MRPS28: variants seen among roughly 807,000 people sequenced by gnomAD.
MRPS28 encodes mitochondrial ribosomal protein S28.
MRPS28 carries 7 observed loss-of-function variants against 10.8 expected under a neutral mutation model. That is an observed-to-expected ratio of 0.65 (90% CI 0.37 to 1.22). The LOEUF (loss-of-function observed/expected upper bound fraction) is 1.22, where lower values mean the gene tolerates loss of function less well. MRPS28 is among the 50% of genes most tolerant of loss of function. MRPS28 has a pLI of 0.02. For synonymous variants in MRPS28, 121 were observed against 93.3 expected (o/e 1.30, Z -1.71); for missense variants, 265 against 232.9 (o/e 1.14, Z -0.90).
chr8:79,919,789 AAAATT>A (rs1810023341), intron 2 of MRPS28, among the ~76,000 whole-genome samples: 1 of 152,238 alleles, frequency 6.6e-6, no homozygotes, highest in African/African-American at 2.4e-5. Context: ...TTTTCCTTCT[AAAATT>A]AAAACTTTAT....
intron 1 of MRPS28, among the ~76,000 whole-genome samples, chr8:80,019,683 A>C (rs1377552973): frequency 6.6e-6 from 1 of 152,018 alleles, no homozygotes; most frequent in African/African-American, 2.4e-5. Flanking sequence ...GGAAGGAAGA[A>C]ATAAAACTGT....
chr8:79,932,082 C>T (rs1456601272), intron 2 of MRPS28, among the ~76,000 whole-genome samples: 1 of 152,154 alleles, frequency 6.6e-6, no homozygotes, highest in African/African-American at 2.4e-5. Flanking sequence ...TTCACTGGTT[C>T]ATTCATTTAC....
chr8:79,967,277 CTTCT>C (rs1756616976), intron 2 of MRPS28, among the ~76,000 whole-genome samples: 1 of 152,170 alleles, frequency 6.6e-6, no homozygotes, highest in Admixed American at 6.6e-5. Flanking sequence ...CTGCATGCTT[CTTCT>C]TTCTTTGGAT....
chr8:79,958,049 A>G (rs1469946796), intron 2 of MRPS28: 1 of 213,046 alleles, frequency 4.7e-6, no homozygotes, highest in Non-Finnish European at 9.2e-6. Context: ...CCCAAAGTGT[A>G]TAATTCAGTG....
At chr8:79,919,327 C>T (rs1380180925) in intron 2 of MRPS28, among the ~76,000 whole-genome samples, 179 bp from the exon 3 acceptor site, 1 of 146,428 alleles carries the variant, frequency 6.8e-6, no homozygotes, top group East Asian at 2.0e-4. Context: ...CAGAAAAGCC[C>T]CCATCACCCA....
chr8:79,921,284 G>C (rs1470508038), intron 2 of MRPS28, among the ~76,000 whole-genome samples: 1 of 152,014 alleles, frequency 6.6e-6, no homozygotes, highest in Non-Finnish European at 1.5e-5. Flanking sequence ...CTCTTTTTTG[G>C]TTCCATATGA....
intron 2 of MRPS28, among the ~76,000 whole-genome samples, chr8:79,933,367 C>A (rs372515160): frequency 2.6e-5 from 4 of 152,324 alleles, no homozygotes; most frequent in East Asian, 1.9e-4. Flanking sequence ...ACCAATCCCA[C>A]TGGATTAGGG....
chr8:79,977,194 T>C (rs368097002), intron 2 of MRPS28, among the ~76,000 whole-genome samples: 123 of 152,318 alleles, frequency 8.1e-4, no homozygotes, highest in African/African-American at 2.7e-3. Context: ...GCTGAAAAGA[T>C]TGGAGGCAAA....
intron 1 of MRPS28, among the ~76,000 whole-genome samples, chr8:80,011,004 A>C (rs541478383): frequency 6.6e-6 from 1 of 152,370 alleles, no homozygotes; most frequent in Admixed American, 6.5e-5. Context: ...GCACTTTGAA[A>C]ATAGTTCTTT....
rs547907588 is a variant in MRPS28 at position 80,018,158 on chromosome 8, T to C, written c.213+11878A>G. Reference sequence around the variant, plus strand: ...CAAAAACAAAACTAGCAGGGCATGGTGGCAGGCGCCTGTAGTCCCAGCTAC... The same window carrying C: ...CAAAAACAAAACTAGCAGGGCATGGCGGCAGGCGCCTGTAGTCCCAGCTAC... On this transcript the variant is annotated intron_variant, in intron 1 of 2. Transcript: ENST00000276585. Among the ~76,000 whole-genome samples the C allele has an allele frequency of 1.9e-3, 282 of 151,846 alleles. 5 individuals carry two copies. Among genetic ancestry groups the C allele is most frequent in the African/African-American group, 6.3e-3 (261 of 41,416 alleles).
intron 2 of MRPS28, among the ~76,000 whole-genome samples, chr8:79,964,980 T>C (rs184436051): frequency 3.7e-4 from 57 of 152,272 alleles, no homozygotes; most frequent in Non-Finnish European, 4.6e-4. Context: ...AGAGGCTGTT[T>C]TTAGTGGTCT....
intron 2 of MRPS28, 52 bp downstream of exon 2, chr8:80,002,947 T>C: frequency 7.2e-7 from 1 of 1,396,382 alleles, no homozygotes; most frequent in Non-Finnish European, 9.5e-7. Context: ...ACTTTTGCGC[T>C]ATCCCAACTT....
intron 1 of MRPS28, among the ~76,000 whole-genome samples, chr8:80,029,007 CAG>C (rs1323349420): frequency 1.3e-5 from 2 of 151,922 alleles, no homozygotes; most frequent in African/African-American, 4.8e-5. Context: ...AAGTAGAAAA[CAG>C]AGGCAGAAAA....
At position 79,984,198 on chromosome 8, in the gene MRPS28, A is replaced by G. The variant is rs914155296; in HGVS notation, c.395+18801T>C. ...TAAGCTTCATAAGTGAAGGACAAAT[A>G]AAATCCTTTACAGACTAGCAAATGC... On this transcript the variant is annotated intron_variant, in intron 2 of 2. Coordinates refer to ENST00000276585, the MANE Select transcript of MRPS28 (RefSeq NM_014018.3). Among the ~76,000 whole-genome samples the G allele has an allele frequency of 2.6e-5, 4 of 152,366 alleles. No homozygotes were observed. In the South Asian group the frequency reaches 8.3e-4, roughly 32 times the overall value.
chr8:79,962,281 A>G (rs1201643158), intron 2 of MRPS28, among the ~76,000 whole-genome samples: 1 of 152,072 alleles, frequency 6.6e-6, no homozygotes, highest in African/African-American at 2.4e-5. Context: ...CAGAAGCTAC[A>G]GGAGCCCAGT....
chr8:80,003,175 A>T lies in MRPS28; in HGVS notation c.219T>A (p.Ser73=), dbSNP rs1277907940. ...LQKVEPLQKG[S]PKNVESFASM... ...ATGCAAAGGATTCCACATTTTTTGG[A>T]GAACCCTAAATATGAAAAGAGATAT... Residue 73 remains serine, a synonymous_variant, in exon 2 of 3, where the codon TCT becomes TCA. Transcript: ENST00000276585. 1 of 1,579,240 alleles carries T rather than the reference A, an allele frequency of 6.3e-7. No individual in the cohort carries two copies. The highest frequency in any genetic ancestry group is 8.6e-7 in the Non-Finnish European group (1 of 1,168,040).
intron 2 of MRPS28, 50 bp downstream of exon 2, chr8:80,002,949 T>A: frequency 7.1e-7 from 1 of 1,411,072 alleles, no homozygotes; most frequent in Non-Finnish European, 9.4e-7. Flanking sequence ...TTTTGCGCTA[T>A]CCCAACTTTT....
intron 2 of MRPS28, among the ~76,000 whole-genome samples, chr8:79,972,241 G>A (rs1807653150): frequency 2.0e-5 from 3 of 152,122 alleles, no homozygotes; most frequent in South Asian, 2.1e-4. Flanking sequence ...AAGTATACAG[G>A]AGAATGTGTG....
At chr8:80,029,952 C>A (rs1586108183) in intron 1 of MRPS28, 84 bp downstream of exon 1, 7 of 1,542,326 alleles carry the variant, frequency 4.5e-6, no homozygotes, top group East Asian at 4.9e-5. Context: ...CCTTCCTAAG[C>A]CAGGCTCCGC....
Sources: allele counts gnomAD v4.1 joint callset (sites outside exome capture counted in the v4.1 genomes callset), GRCh38; gene constraint gnomAD v4.1.1; transcripts MANE v1.5; gene names NCBI Gene and HGNC (gene_info 2026-07-23, HGNC 2026-07-21).